Variants in RARB observed in about 807,000 individuals in gnomAD.
The protein encoded by RARB is retinoic acid receptor beta.
In RARB, 17 loss-of-function variants were observed where a neutral mutation model predicts 51.9. That is an observed-to-expected ratio of 0.33 (90% CI 0.22 to 0.49). The LOEUF (loss-of-function observed/expected upper bound fraction) is 0.49. Ranked by LOEUF, RARB falls within the 20% of genes least tolerant of loss-of-function variation. The pLI is 0.99. For synonymous variants in RARB, 215 were observed against 195.4 expected (o/e 1.10, Z -0.84); for missense variants, 369 against 550.8 (o/e 0.67, Z 3.30).
At chr3:25,005,487 A>G (rs1575115095) in intron 2 of RARB, among the ~76,000 whole-genome samples, 2 of 152,284 alleles carry the variant, frequency 1.3e-5, no homozygotes, top group South Asian at 4.1e-4. Context: ...GTAGGCAGAA[A>G]GTTCCTCACT....
At chr3:25,400,941 T>A (rs1707246619) in intron 5 of RARB, among the ~76,000 whole-genome samples, 1 of 152,058 alleles carries the variant, frequency 6.6e-6, no homozygotes, top group Admixed American at 6.5e-5. Context: ...GTATCAGAGA[T>A]CTGCCAAAGC....
intron 5 of RARB, among the ~76,000 whole-genome samples, chr3:25,418,944 C>CAAA (rs36025962): frequency 0.19 from 20,379 of 108,016 alleles, 1,696 homozygotes; most frequent in South Asian, 0.26. Context: ...ACAGACTAAC[C>CAAA]AAAAAAAAAA....
At chr3:25,150,996 C>T (rs949030301) in intron 4 of RARB, among the ~76,000 whole-genome samples, 3 of 152,106 alleles carry the variant, frequency 2.0e-5, no homozygotes, top group African/African-American at 7.2e-5. Flanking sequence ...CAATATTTTC[C>T]CATTTATAGA....
At chr3:24,853,000 A>G (rs1175280171) in intron 1 of RARB, among the ~76,000 whole-genome samples, 1 of 152,130 alleles carries the variant, frequency 6.6e-6, no homozygotes. Context: ...TATAAACTAT[A>G]TCTCAATAAT....
chr3:25,356,562 T>C (rs1219439836), intron 5 of RARB, among the ~76,000 whole-genome samples: 1 of 152,020 alleles, frequency 6.6e-6, no homozygotes, highest in East Asian at 1.9e-4. Context: ...ACGTGCAGAA[T>C]GCGCAGGTTT....
intron 2 of RARB, among the ~76,000 whole-genome samples, chr3:24,925,414 T>C (rs1167560012): frequency 6.6e-6 from 1 of 151,874 alleles, no homozygotes; most frequent in East Asian, 1.9e-4. Flanking sequence ...AGGCTGAATA[T>C]GGAGGGTTGC....
intron 5 of RARB, among the ~76,000 whole-genome samples, chr3:25,336,803 T>C (rs1345889797): frequency 6.6e-6 from 1 of 152,162 alleles, no homozygotes; most frequent in Non-Finnish European, 1.5e-5. Context: ...AAATGGTCTG[T>C]ATCACATTAT....
intron 3 of RARB, among the ~76,000 whole-genome samples, chr3:25,089,234 T>C (rs1699154310): frequency 6.6e-6 from 1 of 151,984 alleles, no homozygotes; most frequent in African/African-American, 2.4e-5. Context: ...TCCTGCAAGC[T>C]GAAGATACTT....
At chr3:24,959,987 A>G (rs981975226) in intron 2 of RARB, among the ~76,000 whole-genome samples, 22 of 152,230 alleles carry the variant, frequency 1.4e-4, no homozygotes, top group African/African-American at 5.3e-4. Context: ...GTTCAAGTCC[A>G]TCCAATCCCA....
intron 5 of RARB, among the ~76,000 whole-genome samples, chr3:25,319,270 C>T (rs1021711324): frequency 1.3e-5 from 2 of 152,146 alleles, no homozygotes; most frequent in Non-Finnish European, 2.9e-5. Context: ...CCCTCAGGTC[C>T]TCCCAGGATA....
intron 4 of RARB, among the ~76,000 whole-genome samples, chr3:25,141,226 C>A (rs1700102033): frequency 6.6e-6 from 1 of 152,038 alleles, no homozygotes; most frequent in Non-Finnish European, 1.5e-5. Context: ...CATAAACGTT[C>A]TTAAAAGATA....
intron 5 of RARB, among the ~76,000 whole-genome samples, chr3:25,175,523 C>T (rs1700725564): frequency 3.3e-5 from 5 of 152,170 alleles, no homozygotes; most frequent in Admixed American, 3.3e-4. Flanking sequence ...GCTCTTCGTG[C>T]CTTCAGTCAT....
chr3:24,933,443 G>C (rs1217163701), intron 2 of RARB, among the ~76,000 whole-genome samples: 2 of 152,102 alleles, frequency 1.3e-5, no homozygotes, highest in African/African-American at 4.8e-5. Flanking sequence ...CAAGAAGTCA[G>C]TTTAAATAAA....
At chr3:25,056,146 T>C (rs140662763) in intron 2 of RARB, among the ~76,000 whole-genome samples, 72 of 152,208 alleles carry the variant, frequency 4.7e-4, no homozygotes, top group Middle Eastern at 3.4e-3. Flanking sequence ...TTCCTGCTGG[T>C]AACAGGCTGG....
chr3:25,186,912 T>C (rs1011843158), intron 5 of RARB, among the ~76,000 whole-genome samples: 22 of 150,326 alleles, frequency 1.5e-4, no homozygotes, highest in African/African-American at 5.4e-4. Flanking sequence ...TGTGTGTGTG[T>C]GTGTGTGTGT....
chr3:25,523,179 C>A lies in RARB; in HGVS notation c.448+21856C>A, dbSNP rs138383296. 2.4e-3 allele frequency among the ~76,000 whole-genome samples: 358 copies of A among 152,260 alleles called. 2 individuals carry two copies. The highest frequency in any genetic ancestry group is 7.9e-3 in the African/African-American group (327 of 41,548). The stretch of plus-strand genomic sequence containing the variant: ...CCCAATGTTGTCAGAAGCATTATTT[C>A]TTTGCATATATGGAATTGAGGGATG... On this transcript the variant is annotated intron_variant, in intron 3 of 7. Coordinates refer to ENST00000330688, the MANE Select transcript of RARB (RefSeq NM_000965.5).
At chr3:25,460,534 G>A (rs1695128187) in intron 1 of RARB, among the ~76,000 whole-genome samples, 1 of 151,840 alleles carries the variant, frequency 6.6e-6, no homozygotes, top group Non-Finnish European at 1.5e-5. Flanking sequence ...TGCAACCTCT[G>A]CCTCCTGGGT....
intron 5 of RARB, among the ~76,000 whole-genome samples, chr3:25,421,006 A>G (rs1707842797): frequency 6.6e-6 from 1 of 151,928 alleles, no homozygotes; most frequent in Admixed American, 6.6e-5. Context: ...AAAAAAAAAA[A>G]AAACAGAGTC....
chr3:25,212,479 A>G (rs144928953), intron 5 of RARB, among the ~76,000 whole-genome samples: 1,525 of 152,290 alleles, frequency 0.01, 20 homozygotes, highest in East Asian at 0.031. Context: ...TTAGCCAAGC[A>G]TGGTGGCACA....
Sources: allele counts gnomAD v4.1 joint callset (sites outside exome capture counted in the v4.1 genomes callset), GRCh38; gene constraint gnomAD v4.1.1; transcripts MANE v1.5; gene names NCBI Gene and HGNC (gene_info 2026-07-23, HGNC 2026-07-21).